Variants in IGF1R observed in about 807,000 individuals in gnomAD.
IGF1R encodes the protein insulin-like growth factor 1 receptor.
A neutral mutation model predicts 144.6 loss-of-function variants in IGF1R; 44 were observed. The ratio of observed to expected loss-of-function variants is 0.30; its 90% CI spans 0.24 to 0.39. The LOEUF is 0.39. Ranked by LOEUF, IGF1R falls within the 10% of genes least tolerant of loss-of-function variation. IGF1R has a pLI of 1.00. For synonymous variants in IGF1R, 795 were observed against 722.8 expected (o/e 1.10, Z -1.60); for missense variants, 1,355 against 1,833.7 (o/e 0.74, Z 4.77).
intron 2 of IGF1R, among the ~76,000 whole-genome samples, chr15:98,816,487 C>A (rs1038065751): frequency 3.9e-5 from 6 of 152,272 alleles, no homozygotes; most frequent in African/African-American, 1.4e-4. Flanking sequence ...ATCGGCCCAC[C>A]CCATTCTCTT....
At chr15:98,956,236 C>T (rs540377126) in intron 20 of IGF1R, among the ~76,000 whole-genome samples, 9 of 152,362 alleles carry the variant, frequency 5.9e-5, no homozygotes, top group African/African-American at 2.2e-4. Context: ...TATTTGCAGC[C>T]CAGGTGCTGT....
chr15:98,713,827 C>G (rs536121607), intron 2 of IGF1R, among the ~76,000 whole-genome samples: 9 of 152,178 alleles, frequency 5.9e-5, no homozygotes, highest in Non-Finnish European at 1.3e-4. Flanking sequence ...TCTCCAAGTA[C>G]TTTTTAACCC....
At position 98,810,096 on chromosome 15, in the gene IGF1R, G is replaced by GGT. The variant is rs376707299; in HGVS notation, c.641-81227_641-81226dup. Among the ~76,000 whole-genome samples the GGT allele has an allele frequency of 9.9e-5, 15 of 151,976 alleles. 1 individual carries two copies. Among genetic ancestry groups the GGT allele is most frequent in the African/African-American group, 3.4e-4 (14 of 41,402 alleles). The stretch of plus-strand genomic sequence containing the variant: ...GGCTGCTACACACCCAGCTTTGGGA[G>GGT]GTGGGGCCCAGGGTGTCCAGCTTTG... On this transcript the variant is annotated intron_variant, in intron 2 of 20. Coordinates refer to ENST00000650285, the MANE Select transcript of IGF1R (RefSeq NM_000875.5).
At chr15:98,672,425 C>T (rs1238091452) in intron 1 of IGF1R, among the ~76,000 whole-genome samples, 2 of 151,972 alleles carry the variant, frequency 1.3e-5, no homozygotes, top group African/African-American at 2.4e-5. Context: ...CAAAAATTAG[C>T]CGCGTGTGGT....
chr15:98,888,237 G>T (rs1274258500), intron 2 of IGF1R, among the ~76,000 whole-genome samples: 1 of 152,220 alleles, frequency 6.6e-6, no homozygotes, highest in Non-Finnish European at 1.5e-5. Context: ...GCACACAGGT[G>T]CAGCACACAT....
chr15:98,897,908 A>G (rs1421864594), intron 4 of IGF1R, among the ~76,000 whole-genome samples: 3 of 150,148 alleles, frequency 2.0e-5, no homozygotes, highest in Admixed American at 6.7e-5. Flanking sequence ...TGGGGGGGGA[A>G]TCCTTTTATG....
At chr15:98,713,394 G>A (rs2054041278) in intron 2 of IGF1R, among the ~76,000 whole-genome samples, 1 of 152,186 alleles carries the variant, frequency 6.6e-6, no homozygotes, top group African/African-American at 2.4e-5. Context: ...ATGAAATGCA[G>A]ATGTTTACTG....
chr15:98,926,963 C>T (rs555339217), intron 13 of IGF1R, among the ~76,000 whole-genome samples: 4 of 152,170 alleles, frequency 2.6e-5, no homozygotes, highest in African/African-American at 7.2e-5. Context: ...CTTCCCTCCT[C>T]TTTTTCCTCC....
rs2017199850 is a variant in IGF1R at position 98,960,908 on chromosome 15, C to A, written c.*3466C>A. 1 of 234,116 alleles carries A rather than the reference C, an allele frequency of 4.3e-6. No individual in the cohort carries two copies. Among genetic ancestry groups the A allele is most frequent in the Non-Finnish European group, 8.4e-6 (1 of 118,370 alleles). 14.5% of individuals were successfully genotyped at this position (234,116 alleles called of 1,614,324 possible). ...GCGCCGAGGCTCGTGGCGTCACGCC[C>A]CCCCCGCCAGGGCTGTACCTCCGTC... On this transcript the variant is annotated 3_prime_UTR_variant, in exon 21 of 21. Coordinates refer to ENST00000650285, the MANE Select transcript of IGF1R (RefSeq NM_000875.5).
At chr15:98,876,769 A>C (rs950883909) in intron 2 of IGF1R, among the ~76,000 whole-genome samples, 2 of 152,148 alleles carry the variant, frequency 1.3e-5, no homozygotes, top group Non-Finnish European at 2.9e-5. Flanking sequence ...CCCCCAAAAA[A>C]CTGGTTCTCA....
intron 1 of IGF1R, among the ~76,000 whole-genome samples, chr15:98,652,035 G>A (rs1404894215): frequency 6.6e-6 from 1 of 152,222 alleles, no homozygotes; most frequent in Non-Finnish European, 1.5e-5. Context: ...TAAAGACAGG[G>A]TGTTGGTTCA....
At chr15:98,825,231 A>T (rs2056871408) in intron 2 of IGF1R, among the ~76,000 whole-genome samples, 1 of 152,258 alleles carries the variant, frequency 6.6e-6, no homozygotes, top group South Asian at 2.1e-4. Context: ...GGCACCATAT[A>T]CAGTTTTCCC....
At chr15:98,842,141 G>T (rs2011185184) in intron 2 of IGF1R, among the ~76,000 whole-genome samples, 1 of 152,140 alleles carries the variant, frequency 6.6e-6, no homozygotes, top group South Asian at 2.1e-4. Context: ...CTTCACCTCT[G>T]TCCCCAGAAG....
rs1454595621 is a variant in IGF1R, at chr15:98,916,722, G to A, written c.2047G>A (p.Val683Ile). Residue 683 changes from valine to isoleucine, a missense_variant, in exon 10 of 21, where the codon GTC (valine) becomes ATC (isoleucine). Physicochemically the swap from Val to Ile is conservative, Grantham distance 29. This residue lies in a region of IGF1R where 880 missense variants were observed against 1,202.7 expected (regional missense o/e 0.73). Coordinates refer to ENST00000650285, the MANE Select transcript of IGF1R (RefSeq NM_000875.5). ...CGACGGCACCATCGACATTGAGGAG[G>A]TCACAGAGAACCCCAAGACTGAGGT... Reference protein sequence around the residue: ...YADGTIDIEEVTENPKTEVCG... With the variant: ...YADGTIDIEEITENPKTEVCG... 6.2e-7 allele frequency: 1 copy of A among 1,614,152 alleles called. No individual in the cohort carries two copies. The highest frequency in any genetic ancestry group is 8.5e-7 in the Non-Finnish European group (1 of 1,180,020).
Position 98,891,420 on chromosome 15 carries a change from A to G in IGF1R, c.736A>G (p.Thr246Ala), listed in dbSNP as rs753134217. 86 of 1,613,274 alleles carry G rather than the reference A, an allele frequency of 5.3e-5. No homozygotes were observed. The highest frequency in any genetic ancestry group is 6.9e-5 in the Non-Finnish European group (81 of 1,179,996). The change falls in exon 3 of 21, where the codon ACG (threonine) becomes GCG (alanine). Residue 246 changes from threonine to alanine, a missense_variant. By Grantham distance (58) the Thr-to-Ala change is moderately conservative. Around this residue, in one of 7 missense-constraint regions of IGF1R, gnomAD observed 880 missense variants for 1,202.7 expected, o/e 0.73. Transcript: ENST00000650285. This position sits in a 1 kb window ranked among gnomAD's most constrained non-coding sequence, Gnocchi z 4.7. ...LGSCSAPDND[T>A]ACVACRHYYY... ...CAGCTGCAGCGCGCCTGACAACGAC[A>G]CGGCCTGTGTAGCTTGCCGCCACTA...
intron 2 of IGF1R, among the ~76,000 whole-genome samples, chr15:98,729,774 G>C (rs1325943166): frequency 6.6e-6 from 1 of 152,160 alleles, no homozygotes; most frequent in Non-Finnish European, 1.5e-5. Flanking sequence ...GTCCTGGCTG[G>C]GGTCTGGCAT....
At chr15:98,710,910 TC>T (rs1477205580) in intron 2 of IGF1R, among the ~76,000 whole-genome samples, 1 of 152,104 alleles carries the variant, frequency 6.6e-6, no homozygotes, top group Admixed American at 6.5e-5. Flanking sequence ...CCTCAGATGA[TC>T]CGCCCGCCTC....
intron 1 of IGF1R, among the ~76,000 whole-genome samples, chr15:98,670,813 C>G (rs75118736): frequency 6.6e-6 from 1 of 152,140 alleles, no homozygotes; most frequent in East Asian, 1.9e-4. Context: ...TATTTTTTTT[C>G]TTTGCTTTTC....
chr15:98,900,591 C>T (rs965187063), intron 5 of IGF1R: 16 of 152,206 alleles, frequency 1.1e-4, no homozygotes, highest in Non-Finnish European at 2.2e-4. Context: ...ATAGAGCTAA[C>T]GAGAGCGGGC....
Sources: allele counts gnomAD v4.1 joint callset (sites outside exome capture counted in the v4.1 genomes callset), GRCh38; gene constraint gnomAD v4.1.1; regional missense constraint gnomAD v4.1.1; non-coding constraint Gnocchi (gnomAD v3.1); transcripts MANE v1.5; gene names NCBI Gene and HGNC (gene_info 2026-07-23, HGNC 2026-07-21).